The following DPP6 variants were observed in gnomAD, a reference collection of about 807,000 sequenced individuals.
The protein encoded by DPP6 is A-type potassium channel modulatory protein DPP6.
In DPP6, 69 loss-of-function variants were observed where a neutral mutation model predicts 122.6. That is an observed-to-expected ratio of 0.56 (90% CI 0.46 to 0.69). The LOEUF (loss-of-function observed/expected upper bound fraction) is 0.69. Among genes scored for constraint, DPP6 ranks in the 30% least tolerant of loss-of-function variants. The pLI, the probability that DPP6 is intolerant of heterozygous loss-of-function variation, is 0.00. For synonymous variants in DPP6, 418 were observed against 433.1 expected, an observed-to-expected ratio of 0.97 and a Z score of 0.43; for missense variants, 928 against 1,116.9, an observed-to-expected ratio of 0.83 and a Z score of 2.41.
intron 1 of DPP6, among the ~76,000 whole-genome samples, chr7:154,139,051 C>T (rs538354401): frequency 1.3e-5 from 2 of 152,006 alleles, no homozygotes; most frequent in East Asian, 3.9e-4. Flanking sequence ...AGGAGGTCCT[C>T]AAGCAGGAGG....
At chr7:154,476,639 A>G (rs1203213559) in intron 3 of DPP6, among the ~76,000 whole-genome samples, 1 of 152,224 alleles carries the variant, frequency 6.6e-6, no homozygotes, top group Non-Finnish European at 1.5e-5. Context: ...TCTTAAAGCG[A>G]TGGCTAGGAG....
At chr7:153,948,222 A>G (rs933149580) in intron 1 of DPP6, among the ~76,000 whole-genome samples, 1 of 152,242 alleles carries the variant, frequency 6.6e-6, no homozygotes, top group African/African-American at 2.4e-5. Context: ...AAAGTCCAAT[A>G]CTGTGGCCAT....
chr7:153,755,407 T>C, the DPP6 span, among the ~76,000 whole-genome samples: 1 of 144,206 alleles, frequency 6.9e-6, no homozygotes, highest in African/African-American at 2.6e-5. Context: ...CTTTCTCTAC[T>C]CTTCTTTCAT....
At chr7:154,569,596 T>C (rs576900286) in intron 5 of DPP6, among the ~76,000 whole-genome samples, 3 of 152,064 alleles carry the variant, frequency 2.0e-5, no homozygotes, top group Admixed American at 2.0e-4. Context: ...ATGAACCAAC[T>C]CAACTTTTCA....
At chr7:154,180,223 C>T (rs1433131347) in intron 1 of DPP6, among the ~76,000 whole-genome samples, 2 of 151,616 alleles carry the variant, frequency 1.3e-5, no homozygotes, top group African/African-American at 4.8e-5. Flanking sequence ...TAGTGCGCAC[C>T]TATAATCTCA....
At chr7:153,831,020 A>T in the DPP6 span, among the ~76,000 whole-genome samples, 1 of 152,218 alleles carries the variant, frequency 6.6e-6, no homozygotes, top group Admixed American at 6.5e-5. Flanking sequence ...GAAGATTTTC[A>T]TGGAATAAAT....
the DPP6 span, among the ~76,000 whole-genome samples, chr7:153,877,295 T>A: frequency 1.3e-5 from 2 of 152,182 alleles, no homozygotes; most frequent in Non-Finnish European, 2.9e-5. Context: ...TATATTCTTA[T>A]CTATATGCTT....
rs1391384715 is a variant in DPP6, at chr7:154,023,330, A to G, written c.51+135596A>G. ...ATGTTTCTTGTCTGCACACACACAC[A>G]CACACACACACACACACACACACAC... is the stretch of plus-strand genomic sequence containing the variant. On this transcript the variant is annotated intron_variant, in intron 1 of 25. Transcript: ENST00000404039. Among the ~76,000 whole-genome samples, 139 of 150,728 alleles carry G rather than the reference A, an allele frequency of 9.2e-4. 1 individual carries two copies. Among genetic ancestry groups the G allele is most frequent in the African/African-American group, 3.0e-3 (122 of 40,968 alleles).
intron 7 of DPP6, among the ~76,000 whole-genome samples, chr7:154,711,841 T>C (rs570974032): frequency 8.5e-5 from 13 of 152,264 alleles, no homozygotes; most frequent in African/African-American, 3.1e-4. Context: ...TTTGTGTCTC[T>C]TTTATCATAA....
intron 3 of DPP6, among the ~76,000 whole-genome samples, chr7:154,525,400 C>G (rs1827325114): frequency 6.6e-6 from 1 of 152,236 alleles, no homozygotes; most frequent in Admixed American, 6.5e-5. Context: ...TCAAGCTATT[C>G]TCCTACCTTG....
intron 1 of DPP6, among the ~76,000 whole-genome samples, chr7:154,341,245 C>T (rs1314031100): frequency 6.6e-6 from 1 of 152,132 alleles, no homozygotes; most frequent in Non-Finnish European, 1.5e-5. Context: ...GCGAGGATTC[C>T]TGCAGCTCTT....
At chr7:154,724,372 A>G (rs1339297463) in intron 7 of DPP6, among the ~76,000 whole-genome samples, 1 of 151,848 alleles carries the variant, frequency 6.6e-6, no homozygotes, top group Non-Finnish European at 1.5e-5. Flanking sequence ...CCACAACTTC[A>G]CCCCAGACCT....
upstream of DPP6, among the ~76,000 whole-genome samples, chr7:154,050,251 A>T (rs1800231437): frequency 6.6e-6 from 1 of 152,034 alleles, no homozygotes; most frequent in South Asian, 2.1e-4. Context: ...TTGAGATTTT[A>T]AACTTTAGTT....
chr7:154,006,472 A>G (rs1341262747), intron 1 of DPP6, among the ~76,000 whole-genome samples: 1 of 152,140 alleles, frequency 6.6e-6, no homozygotes, highest in African/African-American at 2.4e-5. Flanking sequence ...CTCAACTGCT[A>G]AATTCAGCTG....
chr7:154,398,929 A>G (rs1332543155), intron 1 of DPP6, among the ~76,000 whole-genome samples: 2 of 152,252 alleles, frequency 1.3e-5, no homozygotes, highest in Non-Finnish European at 2.9e-5. Context: ...TTCAGAAGGA[A>G]AGATATTGTT....
At chr7:153,949,687 T>G (rs1482489951) in intron 1 of DPP6, among the ~76,000 whole-genome samples, 1 of 152,240 alleles carries the variant, frequency 6.6e-6, no homozygotes, top group Non-Finnish European at 1.5e-5. Context: ...CATATGTCCC[T>G]GATAAACTTT....
intron 6 of DPP6, among the ~76,000 whole-genome samples, chr7:154,659,369 C>T (rs2316237): frequency 0.97 from 147,757 of 152,330 alleles, 71,807 homozygotes; most frequent in East Asian, 1. Flanking sequence ...ATTGATCCTT[C>T]CTAATTAAGT....
At chr7:154,355,850 G>A (rs564992416) in intron 1 of DPP6, among the ~76,000 whole-genome samples, 38 of 151,952 alleles carry the variant, frequency 2.5e-4, no homozygotes, top group African/African-American at 8.4e-4. Context: ...TTTTAGAATC[G>A]GCTTGTCAAA....
chr7:154,691,755 G>A (rs1324449987), intron 7 of DPP6, among the ~76,000 whole-genome samples: 1 of 152,090 alleles, frequency 6.6e-6, no homozygotes, highest in Non-Finnish European at 1.5e-5. Flanking sequence ...GGAGGTGGAG[G>A]TGGCGGTGAG....
Sources: gnomAD v4.1 joint callset for allele counts (sites outside exome capture counted in the v4.1 genomes callset) on GRCh38, gnomAD v4.1.1 for gene constraint, MANE v1.5 for transcripts, NCBI Gene and HGNC (gene_info 2026-07-23, HGNC 2026-07-21) for gene names.